The following HCRTR2 variants were observed in gnomAD, a reference collection of about 807,000 sequenced individuals.
The protein encoded by HCRTR2 is orexin receptor type 2.
HCRTR2 carries 22 observed loss-of-function variants against 49.0 expected under a neutral mutation model. The ratio of observed to expected loss-of-function variants is 0.45; its 90% CI spans 0.32 to 0.64. The LOEUF (loss-of-function observed/expected upper bound fraction) is 0.64. Ranked by LOEUF, HCRTR2 falls within the 30% of genes least tolerant of loss-of-function variation. The pLI is 0.04. For missense variants in HCRTR2, 491 were observed against 559.4 expected (o/e 0.88, Z 1.23); for synonymous variants, 236 against 205.3 (o/e 1.15, Z -1.28).
intron 1 of HCRTR2, among the ~76,000 whole-genome samples, chr6:55,154,428 G>T (rs1484558176): frequency 3.3e-5 from 5 of 151,776 alleles, no homozygotes; most frequent in African/African-American, 1.2e-4. Context: ...CATATAGCAT[G>T]ACCAGTGAAA....
intron 4 of HCRTR2, among the ~76,000 whole-genome samples, chr6:55,266,733 TTACCATGA>T (rs1269339536): frequency 6.6e-6 from 1 of 152,156 alleles, no homozygotes; most frequent in Non-Finnish European, 1.5e-5. Context: ...TGGTAAAACT[TTACCATGA>T]TACCATGGTT....
chr6:55,184,294 C>A (rs1480521358), intron 1 of HCRTR2, among the ~76,000 whole-genome samples: 1 of 152,112 alleles, frequency 6.6e-6, no homozygotes, highest in African/African-American at 2.4e-5. Flanking sequence ...ATCTTGCATG[C>A]CATAGGTCTA....
At chr6:55,121,502 C>T (rs1054896758) in intron 1 of HCRTR2, among the ~76,000 whole-genome samples, 4 of 151,180 alleles carry the variant, frequency 2.6e-5, no homozygotes, top group African/African-American at 9.7e-5. Flanking sequence ...ACAGAACTTC[C>T]AACACTATGT....
intron 1 of HCRTR2, among the ~76,000 whole-genome samples, chr6:55,149,300 T>C (rs373873989): frequency 3.9e-5 from 6 of 152,270 alleles, no homozygotes; most frequent in Non-Finnish European, 8.8e-5. Context: ...GTCATCAATA[T>C]GTTTCATATT....
At chr6:55,267,750 C>G (rs1238265281) in intron 4 of HCRTR2, among the ~76,000 whole-genome samples, 1 of 152,082 alleles carries the variant, frequency 6.6e-6, no homozygotes, top group Non-Finnish European at 1.5e-5. Flanking sequence ...TTTTCTGCTG[C>G]TCTTTATTCA....
At chr6:55,281,868 G>A (rs1767197355) in intron 6 of HCRTR2, among the ~76,000 whole-genome samples, 1 of 152,052 alleles carries the variant, frequency 6.6e-6, no homozygotes, top group African/African-American at 2.4e-5. Flanking sequence ...GTTTCATTGT[G>A]TTTAATTATT....
chr6:55,207,122 T>A (rs1391640645), intron 1 of HCRTR2, among the ~76,000 whole-genome samples: 1 of 152,162 alleles, frequency 6.6e-6, no homozygotes, highest in African/African-American at 2.4e-5. Flanking sequence ...TGGAAATTCA[T>A]AGATTATTGA....
At position 55,174,809 on chromosome 6, in the gene HCRTR2, G is replaced by C. The variant is rs1405733911; in HGVS notation, c.222G>C (p.Leu74=). 6.2e-7 allele frequency: 1 copy of C among 1,613,594 alleles called. No homozygotes were observed. ...TCGTGGCTCTCATTGGGAACGTCCTGGGTGAGTCTCCTCCCGGGCAGCCCT... is the reference window on the plus strand; with the variant it reads ...TCGTGGCTCTCATTGGGAACGTCCTCGGTGAGTCTCCTCCCGGGCAGCCCT... ...VFVVALIGNV[L]VCVAVWKNHH... The change falls in exon 1 of 7, where the codon CTG becomes CTC. Residue 74 remains leucine, a splice_region_variant and synonymous_variant. Coordinates refer to ENST00000370862, the MANE Select transcript of HCRTR2 (RefSeq NM_001384272.1).
At chr6:55,127,419 T>C (rs916524239) in intron 1 of HCRTR2, among the ~76,000 whole-genome samples, 81 of 152,032 alleles carry the variant, frequency 5.3e-4, no homozygotes, top group African/African-American at 1.9e-3. Context: ...CCTGCCCCAA[T>C]GAGATGAACC....
At chr6:55,125,921 G>A (rs1339363751) in intron 1 of HCRTR2, among the ~76,000 whole-genome samples, 1 of 151,848 alleles carries the variant, frequency 6.6e-6, no homozygotes, top group African/African-American at 2.4e-5. Flanking sequence ...ATTGATACCT[G>A]TGTATGCTTC....
At position 55,184,115 on chromosome 6, in the gene HCRTR2, G is replaced by C. The variant is rs375015494; in HGVS notation, c.223+9305G>C. Among the ~76,000 whole-genome samples, 109 of 152,118 alleles carry C rather than the reference G, an allele frequency of 7.2e-4. 3 individuals carry two copies. In the South Asian group the frequency reaches 0.017, roughly 23 times the overall value. On this transcript the variant is annotated intron_variant, in intron 1 of 6. Transcript: ENST00000370862. ...GCTAATTTTTTGAATTCTTAGTAGA[G>C]ATGGGATTTCACCGTGTTGCTCAGA...
chr6:55,284,131 T>C (rs1767242577), downstream of HCRTR2, among the ~76,000 whole-genome samples: 1 of 152,146 alleles, frequency 6.6e-6, no homozygotes, highest in Non-Finnish European at 1.5e-5. Flanking sequence ...ACGTTGATAA[T>C]ATGCCTTAAT....
At chr6:55,250,038 T>C (rs756511347) in intron 2 of HCRTR2, among the ~76,000 whole-genome samples, 9 of 152,286 alleles carry the variant, frequency 5.9e-5, no homozygotes, top group Admixed American at 3.3e-4. Context: ...TGCAAAGAGA[T>C]ATTTAGTTCA....
At chr6:55,145,403 T>TTGTTA in intron 1 of HCRTR2, among the ~76,000 whole-genome samples, 1 of 119,124 alleles carries the variant, frequency 8.4e-6, no homozygotes, top group African/African-American at 3.1e-5. Flanking sequence ...GTTTTTTTTT[T>TTGTTA]TGTTTTTTTG....
At chr6:55,226,097 A>G (rs1373391529) in intron 1 of HCRTR2, among the ~76,000 whole-genome samples, 4 of 152,202 alleles carry the variant, frequency 2.6e-5, no homozygotes, top group Non-Finnish European at 5.9e-5. Flanking sequence ...TTGTAAGAGC[A>G]GCTTTTATAA....
At chr6:55,253,590 C>T (rs1434697263) in intron 2 of HCRTR2, among the ~76,000 whole-genome samples, 2 of 152,136 alleles carry the variant, frequency 1.3e-5, no homozygotes, top group Admixed American at 1.3e-4. Context: ...ACGTTCACTG[C>T]AGCACTATTC....
rs1028465349 is a variant in HCRTR2, at chr6:55,276,078, G to A, written c.763-1302G>A. On this transcript the variant is annotated intron_variant, in intron 4 of 6. Coordinates refer to ENST00000370862, the MANE Select transcript of HCRTR2 (RefSeq NM_001384272.1). The stretch of plus-strand genomic sequence containing the variant: ...TTCTTTTCAGTTATTTTTTAAAATT[G>A]CTTTTTAAAATGAGAGTCACAGAAG... Among the ~76,000 whole-genome samples, 4 of 152,190 alleles carry A rather than the reference G, an allele frequency of 2.6e-5. No homozygotes were observed. In the South Asian group the frequency reaches 8.3e-4, roughly 32 times the overall value.
intron 1 of HCRTR2, among the ~76,000 whole-genome samples, chr6:55,233,981 G>A (rs1375307204): frequency 4.6e-5 from 7 of 152,082 alleles, no homozygotes; most frequent in Admixed American, 4.6e-4. Flanking sequence ...TCACAGAAAG[G>A]TTTGCCATCA....
intron 1 of HCRTR2, among the ~76,000 whole-genome samples, chr6:55,186,724 TC>T (rs1338341745): frequency 6.6e-6 from 1 of 152,204 alleles, no homozygotes; most frequent in African/African-American, 2.4e-5. Flanking sequence ...ATGAACTGTG[TC>T]CCAAATGAGG....
Sources: gnomAD v4.1 joint callset for allele counts (sites outside exome capture counted in the v4.1 genomes callset) on GRCh38, gnomAD v4.1.1 for gene constraint, MANE v1.5 for transcripts, NCBI Gene and HGNC (gene_info 2026-07-23, HGNC 2026-07-21) for gene names.